Variants in FOXP2 observed in about 807,000 individuals in gnomAD.
FOXP2 encodes forkhead box protein P2.
Under a neutral mutation model 115.8 loss-of-function variants are expected in FOXP2, and 12 were observed. The observed-to-expected ratio is 0.10, with a 90% CI of 0.07 to 0.17. FOXP2 has a LOEUF of 0.17. Among genes scored for constraint, FOXP2 ranks in the 10% least tolerant of loss-of-function variants. FOXP2 has a pLI of 1.00. For synonymous variants in FOXP2, 328 were observed against 297.7 expected, an observed-to-expected ratio of 1.10 and a Z score of -1.05; for missense variants, 629 against 843.5, an observed-to-expected ratio of 0.75 and a Z score of 3.15.
At chr7:114,663,970 C>T (rs1807024236) in intron 15 of FOXP2, among the ~76,000 whole-genome samples, 2 of 152,110 alleles carry the variant, frequency 1.3e-5, no homozygotes, top group South Asian at 4.1e-4. Context: ...AGCAGAGCAA[C>T]TGCTTATATT....
chr7:114,318,040 A>G (rs1181743120), intron 2 of FOXP2, among the ~76,000 whole-genome samples: 2 of 152,104 alleles, frequency 1.3e-5, no homozygotes, highest in East Asian at 3.9e-4. Context: ...TAAATTTGCA[A>G]TTCTGTACCA....
At chr7:114,386,238 C>A (rs907716811) in intron 2 of FOXP2, among the ~76,000 whole-genome samples, 1 of 152,082 alleles carries the variant, frequency 6.6e-6, no homozygotes, top group African/African-American at 2.4e-5. Context: ...AGTGCAGTTG[C>A]AAGATTTAAT....
chr7:114,661,146 G>A (rs553135039), intron 13 of FOXP2, among the ~76,000 whole-genome samples: 68 of 148,452 alleles, frequency 4.6e-4, no homozygotes, highest in Non-Finnish European at 8.2e-4. Context: ...AAATTACTTT[G>A]TTTTATATTC....
chr7:114,373,312 G>A (rs1369719039), intron 2 of FOXP2, among the ~76,000 whole-genome samples: 1 of 152,020 alleles, frequency 6.6e-6, no homozygotes, highest in South Asian at 2.1e-4. Flanking sequence ...GAGCAGTCGC[G>A]CCCAGCCGAA....
chr7:114,465,735 G>T (rs1451754506), intron 2 of FOXP2, among the ~76,000 whole-genome samples: 2 of 152,178 alleles, frequency 1.3e-5, no homozygotes, highest in Non-Finnish European at 1.5e-5. Flanking sequence ...AAGCCTTGAA[G>T]ATGATTAGCA....
intron 1 of FOXP2, among the ~76,000 whole-genome samples, chr7:114,282,455 T>A (rs901766966): frequency 6.6e-6 from 1 of 152,166 alleles, no homozygotes; most frequent in Admixed American, 6.5e-5. Context: ...CTTTGAACAA[T>A]CATTGAATTA....
intron 16 of FOXP2, among the ~76,000 whole-genome samples, chr7:114,686,290 G>A (rs979300106): frequency 6.6e-6 from 1 of 151,352 alleles, no homozygotes; most frequent in African/African-American, 2.4e-5. Flanking sequence ...TTCCCACCTC[G>A]GCCTCCCGAG....
chr7:114,578,862 G>A (rs1408568409), intron 3 of FOXP2, among the ~76,000 whole-genome samples: 1 of 152,068 alleles, frequency 6.6e-6, no homozygotes, highest in East Asian at 1.9e-4. Flanking sequence ...AAAGTGAATT[G>A]TGAAATTCCA....
At chr7:114,687,244 A>G (rs952375812) in intron 16 of FOXP2, among the ~76,000 whole-genome samples, 3 of 152,166 alleles carry the variant, frequency 2.0e-5, no homozygotes, top group African/African-American at 7.2e-5. Flanking sequence ...CATAGCTAAT[A>G]TGGTTTGTGT....
At chr7:114,563,862 C>T (rs73429375) in intron 3 of FOXP2, among the ~76,000 whole-genome samples, 3,338 of 151,380 alleles carry the variant, frequency 0.022, 112 homozygotes, top group African/African-American at 0.074. Context: ...CTGCTTCCAA[C>T]GTCCCTTATC....
intron 2 of FOXP2, among the ~76,000 whole-genome samples, chr7:114,373,061 T>C (rs956572735): frequency 1.3e-5 from 2 of 152,072 alleles, no homozygotes; most frequent in Non-Finnish European, 2.9e-5. Context: ...GCGGCGATCT[T>C]GGCTCACTGC....
chr7:114,585,788 A>G lies in FOXP2; in HGVS notation c.259-42752A>G, dbSNP rs182694391. 1.8e-4 allele frequency among the ~76,000 whole-genome samples: 28 copies of G among 152,240 alleles called. No individual in the cohort carries two copies. In the East Asian group the frequency reaches 5.4e-3, roughly 29 times the overall value. ...AGGCTGAAGTGGGAGAATCTCTTTAACTCAGGAGGCACAGGTTGCAGGGAG... is the reference window on the plus strand; with the variant it reads ...AGGCTGAAGTGGGAGAATCTCTTTAGCTCAGGAGGCACAGGTTGCAGGGAG... On this transcript the variant is annotated intron_variant, in intron 3 of 16. Coordinates refer to ENST00000350908, the MANE Select transcript of FOXP2 (RefSeq NM_014491.4).
intron 2 of FOXP2, among the ~76,000 whole-genome samples, chr7:114,512,199 GAA>G (rs1798111506): frequency 1.3e-5 from 2 of 152,124 alleles, no homozygotes; most frequent in South Asian, 4.1e-4. Flanking sequence ...TTCTCAAAGT[GAA>G]CAGAAAGGCA....
chr7:114,309,198 G>A (rs1352367922), intron 2 of FOXP2, among the ~76,000 whole-genome samples: 1 of 152,094 alleles, frequency 6.6e-6, no homozygotes, highest in Admixed American at 6.5e-5. Context: ...AAAATACACT[G>A]GTTTCCTAAG....
chr7:114,339,510 A>C (rs921637201), intron 2 of FOXP2, among the ~76,000 whole-genome samples: 6 of 150,892 alleles, frequency 4.0e-5, no homozygotes, highest in Non-Finnish European at 7.4e-5. Flanking sequence ...GTTTAGTTTT[A>C]CTGTTTGGAT....
intron 2 of FOXP2, among the ~76,000 whole-genome samples, chr7:114,466,858 A>G (rs1273402525): frequency 3.3e-5 from 5 of 152,204 alleles, no homozygotes; most frequent in African/African-American, 9.6e-5. Context: ...AACACCACAA[A>G]CAGCTCACTA....
intron 2 of FOXP2, among the ~76,000 whole-genome samples, chr7:114,309,341 C>T (rs377169801): frequency 2.9e-4 from 44 of 152,290 alleles, no homozygotes; most frequent in Middle Eastern, 3.4e-3. Flanking sequence ...AATCACCGTA[C>T]GAAGTGTGGC....
chr7:114,330,567 C>G (rs1362053679), intron 2 of FOXP2, among the ~76,000 whole-genome samples: 3 of 150,516 alleles, frequency 2.0e-5, no homozygotes, highest in African/African-American at 7.3e-5. Context: ...GAATATGCAT[C>G]TATTTGTATG....
intron 2 of FOXP2, among the ~76,000 whole-genome samples, chr7:114,362,987 G>A (rs1208214224): frequency 6.6e-6 from 1 of 151,942 alleles, no homozygotes; most frequent in Non-Finnish European, 1.5e-5. Context: ...ATTTCTCAAT[G>A]ACTTTGGGTG....
Sources: allele counts gnomAD v4.1 joint callset (sites outside exome capture counted in the v4.1 genomes callset), GRCh38; gene constraint gnomAD v4.1.1; transcripts MANE v1.5; gene names NCBI Gene and HGNC (gene_info 2026-07-23, HGNC 2026-07-21).